Variants in PCDHGA2 observed in about 807,000 individuals in gnomAD.
The protein encoded by PCDHGA2 is protocadherin gamma subfamily A, 2.
A neutral mutation model predicts 59.2 loss-of-function variants in PCDHGA2; 40 were observed. That is an observed-to-expected ratio of 0.68 (90% CI 0.52 to 0.88). PCDHGA2 has a LOEUF of 0.88. Ranked by LOEUF, PCDHGA2 falls within the 40% of genes least tolerant of loss-of-function variation. The pLI is 0.00. For synonymous variants in PCDHGA2, 560 were observed against 526.0 expected, an observed-to-expected ratio of 1.06 and a Z score of -0.89; for missense variants, 1,226 against 1,204.0, an observed-to-expected ratio of 1.02 and a Z score of -0.27.
intron 1 of PCDHGA2, among the ~76,000 whole-genome samples, chr5:141,457,836 C>T (rs1418402508): frequency 6.6e-6 from 1 of 152,202 alleles, no homozygotes; most frequent in African/African-American, 2.4e-5. Context: ...GCTTCCAGAC[C>T]TGTTAGAAAG....
At chr5:141,365,720 A>G (rs758782408) in intron 1 of PCDHGA2, 17 of 1,613,732 alleles carry the variant, frequency 1.1e-5, no homozygotes, top group Non-Finnish European at 1.2e-5. Flanking sequence ...TGTCACAGAA[A>G]ACAATCCCAG....
At chr5:141,495,814 T>C (rs2099764028) in intron 2 of PCDHGA2, among the ~76,000 whole-genome samples, 1 of 152,134 alleles carries the variant, frequency 6.6e-6, no homozygotes, top group Non-Finnish European at 1.5e-5. Context: ...TCCTAGCGCC[T>C]TGTGTTCTTC....
intron 1 of PCDHGA2, chr5:141,366,845 A>G: frequency 6.8e-7 from 1 of 1,477,098 alleles, no homozygotes; most frequent in Non-Finnish European, 9.1e-7. Flanking sequence ...AGTTATGTAA[A>G]TAGTGGAACA....
intron 1 of PCDHGA2, chr5:141,404,265 T>A: frequency 6.2e-7 from 1 of 1,613,998 alleles, no homozygotes; most frequent in Non-Finnish European, 8.5e-7. Context: ...GAAATTCACA[T>A]CACCCTGCAA....
At chr5:141,462,271 G>C (rs2099036316) in intron 1 of PCDHGA2, among the ~76,000 whole-genome samples, 1 of 152,174 alleles carries the variant, frequency 6.6e-6, no homozygotes, top group African/African-American at 2.4e-5. Context: ...AAAGTGTATT[G>C]TTTAGTCACC....
At chr5:141,358,446 A>G (rs931369328) in intron 1 of PCDHGA2, among the ~76,000 whole-genome samples, 3 of 152,192 alleles carry the variant, frequency 2.0e-5, no homozygotes, top group Non-Finnish European at 2.9e-5. Flanking sequence ...GGCAACGTCA[A>G]TTTAAGAATA....
chr5:141,392,810 A>C (rs772526220), intron 1 of PCDHGA2: 1 of 1,580,390 alleles, frequency 6.3e-7, no homozygotes, highest in South Asian at 1.2e-5. Flanking sequence ...GCAGCAAAAC[A>C]ACAATGGCCG....
At chr5:141,409,181 C>T (rs1280456560) in intron 1 of PCDHGA2, 2 of 1,613,992 alleles carry the variant, frequency 1.2e-6, no homozygotes, top group Non-Finnish European at 1.7e-6. Flanking sequence ...CGGAGGTGGT[C>T]TCTCTACCCA....
intron 1 of PCDHGA2, chr5:141,441,674 CT>C: frequency 3.4e-6 from 1 of 293,692 alleles, no homozygotes; most frequent in Non-Finnish European, 6.7e-6. Flanking sequence ...CACAGTGCGC[CT>C]TCGACCAAGA....
At chr5:141,436,181 T>C (rs1050736907) in intron 1 of PCDHGA2, among the ~76,000 whole-genome samples, 2 of 152,092 alleles carry the variant, frequency 1.3e-5, no homozygotes, top group African/African-American at 4.8e-5. Flanking sequence ...TCATATATAG[T>C]CAAATAGAAA....
intron 1 of PCDHGA2, chr5:141,350,889 C>T: frequency 1.2e-6 from 2 of 1,614,074 alleles, no homozygotes; most frequent in Non-Finnish European, 1.7e-6. Context: ...TTAATCCTGA[C>T]TGCCATGGAT....
Position 141,345,639 on chromosome 5 carries a change from G to C in PCDHGA2, c.2424+4244G>C. 1 of 1,614,180 alleles carries C rather than the reference G, an allele frequency of 6.2e-7. No homozygotes were observed. The highest frequency in any genetic ancestry group is 1.1e-5 in the South Asian group (1 of 91,080). On this transcript the variant is annotated intron_variant, in intron 1 of 3. Transcript: ENST00000394576. ...CTTAAAGCTACTGGTGACAGCCAGC[G>C]ACAGCGGGAACCCTCCACTCAGCAG...
Position 141,489,866 on chromosome 5 carries a change from A to AGCTGGT in PCDHGA2, c.2425-4937_2425-4932dup. ...GATCGTGAAGCCCAGGCAAGACATC[A>AGCTGGT]GCTGGTGCTTACTGCTGTGGATGGG... On this transcript the variant is annotated intron_variant, in intron 1 of 3. Coordinates refer to ENST00000394576, the MANE Select transcript of PCDHGA2 (RefSeq NM_018915.4). The surrounding 1 kb of genome is among the most constrained non-coding windows in gnomAD (Gnocchi z 4.5). The AGCTGGT allele has an allele frequency of 1.2e-6, 2 of 1,614,220 alleles. No individual in the cohort carries two copies. The highest frequency in any genetic ancestry group is 1.7e-6 in the Non-Finnish European group (2 of 1,180,018).
At chr5:141,371,561 C>G (rs2240697) in intron 1 of PCDHGA2, 742,014 of 1,613,358 alleles carry the variant, frequency 0.46, 178,763 homozygotes, top group African/African-American at 0.84. Flanking sequence ...TAAAAGGAAA[C>G]TTCCCCTTTA....
chr5:141,407,808 C>T (rs1182707356), intron 1 of PCDHGA2, among the ~76,000 whole-genome samples: 1 of 152,136 alleles, frequency 6.6e-6, no homozygotes, highest in Non-Finnish European at 1.5e-5. Context: ...ATAGAAATAT[C>T]TACTATAATA....
intron 1 of PCDHGA2, chr5:141,371,432 G>A (rs751667760): frequency 1.9e-6 from 3 of 1,614,002 alleles, no homozygotes; most frequent in South Asian, 1.1e-5. Context: ...ATGCCCCGGA[G>A]ATAACCCTGG....
chr5:141,405,016 C>G (rs538744733), intron 1 of PCDHGA2: 1 of 1,613,888 alleles, frequency 6.2e-7, no homozygotes. Flanking sequence ...AGGCCTCAGA[C>G]CTTACCCTCT....
chr5:141,423,636 C>A, intron 1 of PCDHGA2: 1 of 1,598,388 alleles, frequency 6.3e-7, no homozygotes, highest in Non-Finnish European at 8.5e-7. Context: ...TCATTTTAGG[C>A]AAATGTGACC....
rs1561493536 is a variant in PCDHGA2, at chr5:141,347,171, CTT to C, written c.2424+5778_2424+5779del. Among the ~76,000 whole-genome samples the C allele has an allele frequency of 3.4e-3, 490 of 144,414 alleles. 5 individuals carry two copies. Among genetic ancestry groups the C allele is most frequent in the African/African-American group, 0.012 (462 of 38,990 alleles). The allele number at this position is 144,414 out of a possible 152,430, so 94.7% of individuals were successfully genotyped here. On this transcript the variant is annotated intron_variant, in intron 1 of 3. Coordinates refer to ENST00000394576, the MANE Select transcript of PCDHGA2 (RefSeq NM_018915.4). ...TCTTTCTTTCTTTCTTTCTTTCTTT[CTT>C]TCTTTCTTGACAGGGTCTTACTCTG... is the stretch of plus-strand genomic sequence containing the variant.
Sources: gnomAD v4.1 joint callset for allele counts (sites outside exome capture counted in the v4.1 genomes callset) on GRCh38, gnomAD v4.1.1 for gene constraint, Gnocchi (gnomAD v3.1) non-coding constraint, MANE v1.5 for transcripts, NCBI Gene and HGNC (gene_info 2026-07-23, HGNC 2026-07-21) for gene names.